STYXL2: variants seen among roughly 807,000 people sequenced by gnomAD.
The protein encoded by STYXL2 is serine/threonine/tyrosine interacting like 2.
A neutral mutation model predicts 52.4 loss-of-function variants in STYXL2; 44 were observed. The ratio of observed to expected loss-of-function variants is 0.84; its 90% CI spans 0.66 to 1.08. STYXL2 has a LOEUF of 1.08. Among genes scored for constraint, STYXL2 ranks in the 50% least tolerant of loss-of-function variants. STYXL2 has a pLI of 0.00. For synonymous variants in STYXL2, 604 were observed against 586.9 expected, an observed-to-expected ratio of 1.03 and a Z score of -0.42; for missense variants, 1,604 against 1,471.7, an observed-to-expected ratio of 1.09 and a Z score of -1.47.
At chr1:167,121,444 G>T (rs1423111171) in intron 5 of STYXL2, among the ~76,000 whole-genome samples, 1 of 152,264 alleles carries the variant, frequency 6.6e-6, no homozygotes, top group Non-Finnish European at 1.5e-5. Flanking sequence ...ACCTCGAGGC[G>T]GAGCGGGTAC....
chr1:167,127,087 GGCCA>G lies in STYXL2; in HGVS notation c.1959_1962del (p.Ser654GlyfsTer25). 1 of 1,613,560 alleles carries G rather than the reference GGCCA, an allele frequency of 6.2e-7. No homozygotes were observed. Among genetic ancestry groups the G allele is most frequent in the Non-Finnish European group, 8.5e-7 (1 of 1,179,684 alleles). Reference sequence around the variant, plus strand: ...CAAGCTGGGAGGCGGACAGCTCCACGGCCAGCGGGAGCATTCCCCTGTCTGCGTT... The same window carrying G: ...CAAGCTGGGAGGCGGACAGCTCCACGGCGGGAGCATTCCCCTGTCTGCGTT... On this transcript the variant is annotated frameshift_variant, in exon 6 of 6. Transcript: ENST00000361200. LOFTEE classifies it low-confidence loss of function (END_TRUNC).
At chr1:167,114,332 C>T (rs1352069418) in intron 3 of STYXL2, among the ~76,000 whole-genome samples, 1 of 152,214 alleles carries the variant, frequency 6.6e-6, no homozygotes, top group Non-Finnish European at 1.5e-5. Flanking sequence ...CTCAAAGATA[C>T]TTATCTGGAT....
intron 2 of STYXL2, among the ~76,000 whole-genome samples, chr1:167,108,002 G>C (rs1667540589): frequency 6.6e-6 from 1 of 152,194 alleles, no homozygotes; most frequent in Non-Finnish European, 1.5e-5. Context: ...GAGAATGACA[G>C]CCAAAAGAAG....
Position 167,125,877 on chromosome 1 carries a change from T to C in STYXL2, c.746T>C (p.Leu249Pro). 2.5e-6 allele frequency: 4 copies of C among 1,614,152 alleles called. No homozygotes were observed. In the South Asian group the frequency reaches 4.4e-5, roughly 18 times the overall value. The change falls in exon 6 of 6, where the codon CTG becomes CCG. Residue 249 changes from leucine (L) to proline (P), a missense_variant. Physicochemically the swap from Leu to Pro is moderately conservative, Grantham distance 98 (BLOSUM62 -3). Coordinates refer to ENST00000361200, the MANE Select transcript of STYXL2 (RefSeq NM_001080426.3). ...YLMIFHNMAI[L>P]EALMTVRKKR... ...ATGATCTTCCACAACATGGCCATCC[T>C]GGAGGCTTTGATGACCGTGCGTAAG...
chr1:167,124,771 G>T (rs1181762942), intron 5 of STYXL2, among the ~76,000 whole-genome samples: 1 of 152,132 alleles, frequency 6.6e-6, no homozygotes, highest in African/African-American at 2.4e-5. Flanking sequence ...TTCAGTTGAC[G>T]GATGTAAAAG....
chr1:167,114,777 C>T (rs1053151723), intron 3 of STYXL2, among the ~76,000 whole-genome samples: 2 of 150,940 alleles, frequency 1.3e-5, no homozygotes, highest in Admixed American at 6.6e-5. Flanking sequence ...CTTTTTCTTC[C>T]ATACCTGGGG....
chr1:167,102,896 C>T (rs1254538900), intron 2 of STYXL2, among the ~76,000 whole-genome samples: 1 of 139,352 alleles, frequency 7.2e-6, no homozygotes, highest in Non-Finnish European at 1.6e-5. Flanking sequence ...GACTCTTAGT[C>T]CTTGTACTAG....
intron 2 of STYXL2, among the ~76,000 whole-genome samples, chr1:167,099,871 T>A (rs896395427): frequency 1.1e-4 from 16 of 152,250 alleles, no homozygotes; most frequent in African/African-American, 3.6e-4. Flanking sequence ...ATAAACAACA[T>A]GATGAACTGT....
chr1:167,112,857 T>C (rs1406707001), intron 2 of STYXL2, among the ~76,000 whole-genome samples: 1 of 152,180 alleles, frequency 6.6e-6, no homozygotes, highest in East Asian at 1.9e-4. Context: ...CCTCCCTCTA[T>C]GGACCTATAG....
At chr1:167,106,128 A>C (rs1667503188) in intron 2 of STYXL2, among the ~76,000 whole-genome samples, 1 of 152,226 alleles carries the variant, frequency 6.6e-6, no homozygotes, top group Non-Finnish European at 1.5e-5. Context: ...CTTGATTCTC[A>C]GTATTTGTTA....
intron 1 of STYXL2, 53 bp from the exon 2 acceptor site, chr1:167,094,781 C>CAA: frequency 7.6e-7 from 1 of 1,323,280 alleles, no homozygotes; most frequent in South Asian, 1.3e-5. Context: ...TCTCCCCCAA[C>CAA]AAAACCTCAG....
Position 167,126,492 on chromosome 1 carries a change from A to T in STYXL2, c.1361A>T (p.Gln454Leu), listed in dbSNP as rs778631763. The T allele has an allele frequency of 1.3e-5, 21 of 1,609,230 alleles. No homozygotes were observed. Among genetic ancestry groups the T allele is most frequent in the Non-Finnish European group, 1.8e-5 (21 of 1,177,922 alleles). The change falls in exon 6 of 6, where the codon CAG (glutamine) becomes CTG (leucine). Residue 454 changes from glutamine to leucine, a missense_variant. Coordinates refer to ENST00000361200, the MANE Select transcript of STYXL2 (RefSeq NM_001080426.3). ...CACGACATCTGGGTCCTGAAGCAGC[A>T]GCTGGAGCTGAACCGCCCGGACCAC... ...SSHDIWVLKQ[Q>L]LELNRPDHGR...
intron 2 of STYXL2, among the ~76,000 whole-genome samples, chr1:167,106,261 A>G (rs1667505688): frequency 6.6e-6 from 1 of 152,186 alleles, no homozygotes; most frequent in Non-Finnish European, 1.5e-5. Context: ...AGTTCCTTGC[A>G]AGGCCTTTCT....
chr1:167,100,820 A>G (rs1418056027), intron 2 of STYXL2, among the ~76,000 whole-genome samples: 1 of 152,238 alleles, frequency 6.6e-6, no homozygotes, highest in Non-Finnish European at 1.5e-5. Flanking sequence ...CAAATCATCT[A>G]GCCCTTTTCA....
chr1:167,120,296 TG>T (rs1667823763), intron 5 of STYXL2, among the ~76,000 whole-genome samples: 1 of 152,188 alleles, frequency 6.6e-6, no homozygotes, highest in Admixed American at 6.5e-5. Context: ...GTTGAGGATA[TG>T]GTGTCCAGAA....
In STYXL2 at chr1:167,116,056, A is replaced by T. The variant is rs566367474; in HGVS notation, c.206-1272A>T. 2.6e-5 allele frequency among the ~76,000 whole-genome samples: 4 copies of T among 152,166 alleles called. No individual in the cohort carries two copies. The South Asian group carries it at 8.3e-4, about 31-fold the overall frequency. On this transcript the variant is annotated intron_variant, in intron 3 of 5. Coordinates refer to ENST00000361200, the MANE Select transcript of STYXL2 (RefSeq NM_001080426.3). ...AGCCCCCACCCAGAGACTGCCCATCAGGGAAGAGATGGTGCCATCAAGAGG... is the reference window on the plus strand; with the variant it reads ...AGCCCCCACCCAGAGACTGCCCATCTGGGAAGAGATGGTGCCATCAAGAGG...
chr1:167,127,919 GA>G lies in STYXL2; in HGVS notation c.2789del (p.Glu930GlyfsTer72). 1 of 1,614,150 alleles carries G rather than the reference GA, an allele frequency of 6.2e-7. No individual in the cohort carries two copies. On this transcript the variant is annotated frameshift_variant, in exon 6 of 6. Transcript: ENST00000361200. LOFTEE classifies it high-confidence loss of function. ...HYASGSRVGK[E>X]MDSSINKWLS... ...TGCAAGTGGCAGCAGAGTTGGCAAAGAGATGGATAGCAGTATTAATAAGTGG... is the reference window on the plus strand; with the variant it reads ...TGCAAGTGGCAGCAGAGTTGGCAAAGGATGGATAGCAGTATTAATAAGTGG...
chr1:167,096,462 A>T (rs1461518691), intron 2 of STYXL2, among the ~76,000 whole-genome samples: 1 of 152,170 alleles, frequency 6.6e-6, no homozygotes, highest in Non-Finnish European at 1.5e-5. Context: ...TTCTTGCTCA[A>T]ATAAGTTCCA....
At chr1:167,115,937 T>C (rs2102237578) in intron 3 of STYXL2, among the ~76,000 whole-genome samples, 1 of 152,210 alleles carries the variant, frequency 6.6e-6, no homozygotes, top group African/African-American at 2.4e-5. Flanking sequence ...TTGCAGTCCA[T>C]GAGCAACAAG....
Sources: allele counts gnomAD v4.1 joint callset (sites outside exome capture counted in the v4.1 genomes callset), GRCh38; gene constraint gnomAD v4.1.1; transcripts MANE v1.5; gene names NCBI Gene and HGNC (gene_info 2026-07-23, HGNC 2026-07-21).